The following BAZ2A variants were observed in gnomAD, a reference collection of about 807,000 sequenced individuals.
The protein encoded by BAZ2A is bromodomain adjacent to zinc finger domain protein 2A.
Under a neutral mutation model 199.9 loss-of-function variants are expected in BAZ2A, and 34 were observed. That is an observed-to-expected ratio of 0.17 (90% CI 0.13 to 0.23). The LOEUF is 0.23. BAZ2A is among the 10% of genes least tolerant of loss of function. BAZ2A has a pLI of 1.00. For synonymous variants in BAZ2A, 857 were observed against 883.9 expected (o/e 0.97, Z 0.54); for missense variants, 2,002 against 2,391.1 (o/e 0.84, Z 3.39).
chr12:56,619,004 T>C (rs1950816597), intron 1 of BAZ2A, among the ~76,000 whole-genome samples: 1 of 152,084 alleles, frequency 6.6e-6, no homozygotes, highest in Non-Finnish European at 1.5e-5. Context: ...AAGACCAAGC[T>C]GGATAACATG....
intron 1 of BAZ2A, among the ~76,000 whole-genome samples, chr12:56,625,768 C>T (rs1057342493): frequency 4.1e-5 from 6 of 147,116 alleles, no homozygotes; most frequent in South Asian, 2.2e-4. Context: ...CCCAGCTACA[C>T]GGGAGGCTGA....
In BAZ2A at chr12:56,614,152, GGA is replaced by G. The variant is rs768029821; in HGVS notation, c.731-16_731-15del. 3.1e-6 allele frequency: 5 copies of G among 1,609,376 alleles called. No homozygotes were observed. Among genetic ancestry groups the G allele is most frequent in the African/African-American group, 1.3e-5 (1 of 74,760 alleles). On this transcript the variant is annotated splice_polypyrimidine_tract_variant and intron_variant, in intron 3 of 28. Transcript: ENST00000549884. ...ACATCTTCAGTTCTAGGAAATCACA[GGA>G]GAGACCAAAAGTCAAAATCAGTGCC... is the stretch of plus-strand genomic sequence containing the variant.
At chr12:56,605,016 T>C in intron 14 of BAZ2A, 57 bp downstream of exon 14, 13 of 1,516,996 alleles carry the variant, frequency 8.6e-6, no homozygotes, top group Non-Finnish European at 1.1e-5. Context: ...AGAGAAACAC[T>C]AAGTAGTTAC....
chr12:56,624,815 C>A (rs1403581331), intron 1 of BAZ2A, among the ~76,000 whole-genome samples: 2 of 151,996 alleles, frequency 1.3e-5, no homozygotes, highest in African/African-American at 4.8e-5. Flanking sequence ...CCAGGTTCTC[C>A]GGAGGCTGAG....
intron 27 of BAZ2A, 22 bp downstream of exon 27, chr12:56,599,107 C>T (rs1272010080): frequency 6.2e-7 from 1 of 1,602,550 alleles, no homozygotes; most frequent in South Asian, 1.1e-5. Context: ...CCAACTGTCC[C>T]CCCAGGATTC....
In BAZ2A at chr12:56,601,018, G is replaced by A. The variant is rs754163633; in HGVS notation, c.4375C>T (p.Arg1459Trp). ...AGGTGTTTGTGAAGTGCCTTCTCCC[G>A]GATACCTCGGGGGTGTAGGGCCTTG... ...MLKALHPRGIREKALHKHLNK... is the reference protein window; with the variant it reads ...MLKALHPRGIWEKALHKHLNK... Residue 1459 changes from arginine (R) to tryptophan (W), a missense_variant, in exon 22 of 29, where the codon CGG becomes TGG. Arg to Trp is a moderately radical substitution (Grantham distance 101). This residue lies in a region of BAZ2A where 1,081 missense variants were observed against 1,274.7 expected (regional missense o/e 0.85). Coordinates refer to ENST00000549884, the MANE Select transcript of BAZ2A (RefSeq NM_001300905.2). 2.5e-6 allele frequency: 4 copies of A among 1,610,160 alleles called. No homozygotes were observed. The highest frequency in any genetic ancestry group is 2.2e-5 in the East Asian group (1 of 44,758).
intron 20 of BAZ2A, 51 bp downstream of exon 20, chr12:56,601,495 T>C: frequency 3.8e-6 from 6 of 1,596,426 alleles, no homozygotes; most frequent in Non-Finnish European, 5.1e-6. Flanking sequence ...CAGGCAATGG[T>C]GCCTGTGGCA....
rs758454051 is a variant in BAZ2A, at chr12:56,602,812, G to A, written c.3325C>T (p.Leu1109Phe). 1.2e-6 allele frequency: 2 copies of A among 1,613,804 alleles called. No homozygotes were observed. Among genetic ancestry groups the A allele is most frequent in the African/African-American group, 1.3e-5 (1 of 75,072 alleles). The part of the protein sequence containing the change: ...RKKLLHSSQM[L>F]RAVSLGQDRY... ...TCCTGACCCAGGGAGACCGCCCGAA[G>A]CATCTGGGATGAGTGAAGCAGCTTT... Residue 1109 changes from leucine (L) to phenylalanine (F), a missense_variant, in exon 19 of 29, where the codon CTT (leucine) becomes TTT (phenylalanine). Around this residue, in one of 6 missense-constraint regions of BAZ2A, gnomAD observed 1,081 missense variants for 1,274.7 expected, o/e 0.85. Coordinates refer to ENST00000549884, the MANE Select transcript of BAZ2A (RefSeq NM_001300905.2).
At position 56,598,817 on chromosome 12, in the gene BAZ2A, TAGG is replaced by T. The variant is rs777474706; in HGVS notation, c.5547-37_5547-35del. 7 of 1,609,482 alleles carry T rather than the reference TAGG, an allele frequency of 4.3e-6. No individual in the cohort carries two copies. In the African/African-American group the frequency reaches 9.4e-5, roughly 22 times the overall value. Reference sequence around the variant, plus strand: ...GGCAGGGGCAAAACTGTGAGCTGGGTAGGAGTTGCAGCAGTAGCAAAGACCGGG... The same window carrying T: ...GGCAGGGGCAAAACTGTGAGCTGGGTAGTTGCAGCAGTAGCAAAGACCGGG... On this transcript the variant is annotated intron_variant, in intron 28 of 28. Coordinates refer to ENST00000549884, the MANE Select transcript of BAZ2A (RefSeq NM_001300905.2).
At position 56,598,505 on chromosome 12, in the gene BAZ2A, G is replaced by C. The variant is rs986059034; in HGVS notation, c.*113C>G. The C allele has an allele frequency of 1.5e-6, 2 of 1,355,994 alleles. No homozygotes were observed. Among genetic ancestry groups the C allele is most frequent in the African/African-American group, 2.9e-5 (2 of 69,076 alleles). 84.0% of individuals were successfully genotyped at this position (1,355,994 alleles called of 1,614,324 possible). ...TGCCAAGGGCAAGGTCAAAAATCAGGGTTGTATCTGACTTGAGTCTGGACC... is the reference window on the plus strand; with the variant it reads ...TGCCAAGGGCAAGGTCAAAAATCAGCGTTGTATCTGACTTGAGTCTGGACC... On this transcript the variant is annotated 3_prime_UTR_variant, in exon 29 of 29. Coordinates refer to ENST00000549884, the MANE Select transcript of BAZ2A (RefSeq NM_001300905.2).
upstream of BAZ2A, among the ~76,000 whole-genome samples, chr12:56,630,496 T>C (rs1175817106): frequency 6.6e-6 from 1 of 152,350 alleles, no homozygotes. Flanking sequence ...GGCAGCTCCC[T>C]CTGCACCCGC....
At chr12:56,602,446 C>T (rs1003743799) in intron 19 of BAZ2A, among the ~76,000 whole-genome samples, 1 of 152,302 alleles carries the variant, frequency 6.6e-6, no homozygotes, top group Non-Finnish European at 1.5e-5. Context: ...AAGTATTATT[C>T]TAAGAGACTT....
rs751300207 is a variant in BAZ2A, at chr12:56,600,410, G to A, written c.4683C>T (p.Ile1561=). The A allele has an allele frequency of 1.9e-6, 3 of 1,614,044 alleles. No individual in the cohort carries two copies. The highest frequency in any genetic ancestry group is 8.5e-7 in the Non-Finnish European group (1 of 1,179,896). The change falls in exon 24 of 29, where the codon ATC becomes ATT. Residue 1561 remains isoleucine (I), a synonymous_variant. Transcript: ENST00000549884. ...CCTCCCTGCCCCGACCTCGCCAGGTGATATCCTCCTGGGAGTCGGAGAGGT... is the reference window on the plus strand; with the variant it reads ...CCTCCCTGCCCCGACCTCGCCAGGTAATATCCTCCTGGGAGTCGGAGAGGT... ...CEHLSDSQED[I]TWRGRGREGL...
intron 1 of BAZ2A, among the ~76,000 whole-genome samples, chr12:56,622,778 C>A (rs1205083539): frequency 2.0e-5 from 3 of 152,196 alleles, no homozygotes; most frequent in Admixed American, 6.5e-5. Context: ...CCCAGCTATA[C>A]ATAAATGGAT....
chr12:56,637,070 C>G (rs925929970), upstream of BAZ2A, among the ~76,000 whole-genome samples: 4 of 152,208 alleles, frequency 2.6e-5, no homozygotes, highest in Non-Finnish European at 4.4e-5. Flanking sequence ...TAGATACAGG[C>G]TCCTCCCCAG....
intron 1 of BAZ2A, chr12:56,636,109 C>T (rs1243737298): frequency 2.0e-6 from 3 of 1,495,768 alleles, no homozygotes; most frequent in Admixed American, 2.0e-5. Context: ...GGTTAGGCCC[C>T]ACCCCTGCTG....
chr12:56,634,363 C>G (rs11615074), upstream of BAZ2A, among the ~76,000 whole-genome samples: 3 of 152,082 alleles, frequency 2.0e-5, no homozygotes, highest in Non-Finnish European at 2.9e-5. Context: ...CCGACCAACC[C>G]TAGGCCCAGG....
At chr12:56,620,086 TC>T (rs1950865504) in intron 1 of BAZ2A, among the ~76,000 whole-genome samples, 1 of 151,816 alleles carries the variant, frequency 6.6e-6, no homozygotes, top group Non-Finnish European at 1.5e-5. Flanking sequence ...GGGTGTCCAA[TC>T]TTTTGGCTTC....
Position 56,617,442 on chromosome 12 carries a change from C to A in BAZ2A, c.89G>T (p.Gly30Val). ...CATGGGAGACCCGTTAGTGTAGAGG[C>A]CCTCCCCTGAGGAAGGAGAGGGTTT... ...GLKPSPSSGEGLYTNGSPMNF... is the reference protein window; with the variant it reads ...GLKPSPSSGEVLYTNGSPMNF... Residue 30 changes from glycine (G) to valine (V), a missense_variant, in exon 2 of 29, where the codon GGC (glycine) becomes GTC (valine). Transcript: ENST00000549884. 1 of 1,606,064 alleles carries A rather than the reference C, an allele frequency of 6.2e-7. No homozygotes were observed. Among genetic ancestry groups the A allele is most frequent in the South Asian group, 1.1e-5 (1 of 89,080 alleles).
Sources: gnomAD v4.1 joint callset for allele counts (sites outside exome capture counted in the v4.1 genomes callset) on GRCh38, gnomAD v4.1.1 for gene constraint, gnomAD v4.1.1 regional missense constraint, MANE v1.5 for transcripts, NCBI Gene and HGNC (gene_info 2026-07-23, HGNC 2026-07-21) for gene names.